Variants in PRNP observed in about 807,000 individuals in gnomAD.
PRNP encodes the protein prion protein (Kanno blood group).
A neutral mutation model predicts 21.3 loss-of-function variants in PRNP; 15 were observed. The ratio of observed to expected loss-of-function variants is 0.71; its 90% CI spans 0.47 to 1.09. The LOEUF is 1.09. PRNP is among the 50% of genes least tolerant of loss of function. PRNP has a pLI of 0.00. For missense variants in PRNP, 285 were observed against 340.9 expected (o/e 0.84, Z 1.29); for synonymous variants, 121 against 123.1 (o/e 0.98, Z 0.11).
Position 4,697,973 on chromosome 20 carries a change from C to T in PRNP, c.-10-1238C>T, listed in dbSNP as rs997589748. Among the ~76,000 whole-genome samples the T allele has an allele frequency of 6.6e-6, 1 of 152,144 alleles. No individual in the cohort carries two copies. The highest frequency in any genetic ancestry group is 2.4e-5 in the African/African-American group (1 of 41,420). ...TAGAGCATTGGCTGGATTTGTCACC[C>T]ATTGCAGCGAATGGAGAAGGTGCTG... On this transcript the variant is annotated intron_variant, in intron 1 of 1. Transcript: ENST00000379440. This position sits in a 1 kb window ranked among gnomAD's most constrained non-coding sequence, Gnocchi z 4.6.
chr20:4,695,730 G>T (rs1048907231), intron 1 of PRNP, among the ~76,000 whole-genome samples: 1 of 152,142 alleles, frequency 6.6e-6, no homozygotes, highest in South Asian at 2.1e-4. Flanking sequence ...TGTTTAAAAA[G>T]TTCTTCCCCC....
rs1922554396 is a variant in PRNP, at chr20:4,700,765, A to C, written c.*783A>C. The C allele has an allele frequency of 5.9e-6, 1 of 168,446 alleles. No individual in the cohort carries two copies. Among genetic ancestry groups the C allele is most frequent in the African/African-American group, 2.4e-5 (1 of 41,472 alleles). The allele number at this position is 168,446 out of a possible 1,614,324, so 10.4% of individuals were successfully genotyped here. Reference sequence around the variant, plus strand: ...CCATTTTAGATGTTTAAAGGACCCTATATGTGGCATTCCTTTCTTTAAACT... The same window carrying C: ...CCATTTTAGATGTTTAAAGGACCCTCTATGTGGCATTCCTTTCTTTAAACT... On this transcript the variant is annotated 3_prime_UTR_variant, in exon 2 of 2. Coordinates refer to ENST00000379440, the MANE Select transcript of PRNP (RefSeq NM_000311.5). This position sits in a 1 kb window ranked among gnomAD's most constrained non-coding sequence, Gnocchi z 4.1.
Position 4,699,156 on chromosome 20 carries a change from T to G in PRNP, c.-10-55T>G. 6.3e-7 allele frequency: 1 copy of G among 1,593,944 alleles called. No individual in the cohort carries two copies. Among genetic ancestry groups the G allele is most frequent in the Non-Finnish European group, 8.6e-7 (1 of 1,162,600 alleles). On this transcript the variant is annotated intron_variant, in intron 1 of 1. Coordinates refer to ENST00000379440, the MANE Select transcript of PRNP (RefSeq NM_000311.5). This position sits in a 1 kb window ranked among gnomAD's most constrained non-coding sequence, Gnocchi z 5.8. ...GCACTCATTCATTATGCAGGAAACATTTAGTAATTTCAACATAAATATGGG... is the reference window on the plus strand; with the variant it reads ...GCACTCATTCATTATGCAGGAAACAGTTAGTAATTTCAACATAAATATGGG...
At position 4,699,909 on chromosome 20, in the gene PRNP, C is replaced by T. The variant is rs1434284044; in HGVS notation, c.689C>T (p.Ser230Leu). ...RESQAYYQRGSSMVLFSSPPV... is the reference protein window; with the variant it reads ...RESQAYYQRGLSMVLFSSPPV... ...TCTCAGGCCTATTACCAGAGAGGATCGAGCATGGTCCTCTTCTCCTCTCCA... is the reference window on the plus strand; with the variant it reads ...TCTCAGGCCTATTACCAGAGAGGATTGAGCATGGTCCTCTTCTCCTCTCCA... Residue 230 changes from serine to leucine, a missense_variant, in exon 2 of 2, where the codon TCG (serine) becomes TTG (leucine). Transcript: ENST00000379440. This position sits in a 1 kb window ranked among gnomAD's most constrained non-coding sequence, Gnocchi z 5.8. 6 of 1,613,814 alleles carry T rather than the reference C, an allele frequency of 3.7e-6. No homozygotes were observed. Among genetic ancestry groups the T allele is most frequent in the Admixed American group, 1.7e-5 (1 of 59,978 alleles).
rs759440720 is a variant in PRNP, at chr20:4,699,633, T to C, written c.413T>C (p.Ile138Thr). Residue 138 changes from isoleucine (I) to threonine (T), a missense_variant, in exon 2 of 2, where the codon ATC becomes ACC. Coordinates refer to ENST00000379440, the MANE Select transcript of PRNP (RefSeq NM_000311.5). The surrounding 1 kb of genome is among the most constrained non-coding windows in gnomAD (Gnocchi z 5.8). ...YMLGSAMSRP[I>T]IHFGSDYEDR... ...CTGGGAAGTGCCATGAGCAGGCCCA[T>C]CATACATTTCGGCAGTGACTATGAG... The C allele has an allele frequency of 6.2e-7, 1 of 1,613,972 alleles. No individual in the cohort carries two copies. The highest frequency in any genetic ancestry group is 1.1e-5 in the South Asian group (1 of 91,062).
chr20:4,696,727 A>G (rs1247366336), intron 1 of PRNP, among the ~76,000 whole-genome samples: 1 of 152,180 alleles, frequency 6.6e-6, no homozygotes, highest in Non-Finnish European at 1.5e-5. Context: ...ATTACCATAT[A>G]CTTAATAGGA....
chr20:4,692,883 A>G (rs1921920496), intron 1 of PRNP, among the ~76,000 whole-genome samples: 1 of 152,160 alleles, frequency 6.6e-6, no homozygotes, highest in Non-Finnish European at 1.5e-5. Flanking sequence ...GTGTACTAGC[A>G]TTGAATTTTG....
intron 1 of PRNP, among the ~76,000 whole-genome samples, chr20:4,689,937 A>C (rs1453566858): frequency 6.6e-6 from 1 of 152,194 alleles, no homozygotes; most frequent in African/African-American, 2.4e-5. Flanking sequence ...CTGAAGCCTG[A>C]TCACGGGTGC....
intron 1 of PRNP, among the ~76,000 whole-genome samples, chr20:4,694,052 A>G (rs1406503360): frequency 1.3e-5 from 2 of 150,694 alleles, no homozygotes; most frequent in Admixed American, 1.3e-4. Flanking sequence ...TCATGCCACT[A>G]CACTTTGGCC....
At chr20:4,692,136 G>T (rs1047827371) in intron 1 of PRNP, among the ~76,000 whole-genome samples, 3 of 152,162 alleles carry the variant, frequency 2.0e-5, no homozygotes, top group African/African-American at 7.2e-5. Flanking sequence ...TGGTGACTTG[G>T]TATCTTTCAA....
intron 1 of PRNP, among the ~76,000 whole-genome samples, chr20:4,694,508 A>G (rs1922043747): frequency 6.6e-6 from 1 of 152,216 alleles, no homozygotes; most frequent in South Asian, 2.1e-4. Context: ...GTAATTTATT[A>G]ACCTTTTAAA....
intron 1 of PRNP, among the ~76,000 whole-genome samples, chr20:4,687,228 G>A (rs1187690755): frequency 1.3e-5 from 2 of 152,092 alleles, no homozygotes; most frequent in African/African-American, 2.4e-5. Flanking sequence ...CGGCCCACGC[G>A]GACTGACGGG....
In PRNP at chr20:4,686,737, G is replaced by C. The variant is rs1453143603; in HGVS notation, c.-11+225G>C. 6.6e-6 allele frequency: 1 copy of C among 152,302 alleles called. No homozygotes were observed. Among genetic ancestry groups the C allele is most frequent in the Non-Finnish European group, 1.5e-5 (1 of 68,308 alleles). 9.4% of individuals were successfully genotyped at this position (152,302 alleles called of 1,614,324 possible). ...GAGGCGGCTTGGCTTCGCTTTTCAG[G>C]TTAGGAAAGCTCCCTTTACTGCGCG... On this transcript the variant is annotated intron_variant, in intron 1 of 1. Coordinates refer to ENST00000379440, the MANE Select transcript of PRNP (RefSeq NM_000311.5). This position sits in a 1 kb window ranked among gnomAD's most constrained non-coding sequence, Gnocchi z 6.7.
intron 1 of PRNP, among the ~76,000 whole-genome samples, chr20:4,690,083 CT>C (rs1921728462): frequency 6.6e-6 from 1 of 152,106 alleles, no homozygotes; most frequent in Admixed American, 6.5e-5. Flanking sequence ...GTTGGGGACC[CT>C]TTGCTCTGTT....
intron 1 of PRNP, among the ~76,000 whole-genome samples, chr20:4,696,837 A>G (rs1478751385): frequency 6.6e-6 from 1 of 152,078 alleles, no homozygotes; most frequent in Non-Finnish European, 1.5e-5. Flanking sequence ...CTCTCTCACC[A>G]CCCATCTCCA....
chr20:4,697,922 T>C lies in PRNP; in HGVS notation c.-10-1289T>C, dbSNP rs1922270714. On this transcript the variant is annotated intron_variant, in intron 1 of 1. Coordinates refer to ENST00000379440, the MANE Select transcript of PRNP (RefSeq NM_000311.5). This position sits in a 1 kb window ranked among gnomAD's most constrained non-coding sequence, Gnocchi z 4.6. ...GAGATTTGCTGATAGATCCAATGTA[T>C]GCTGGGAGAGAAAATTCAGTCACTC... Among the ~76,000 whole-genome samples, 1 of 152,214 alleles carries C rather than the reference T, an allele frequency of 6.6e-6. No individual in the cohort carries two copies. Among genetic ancestry groups the C allele is most frequent in the South Asian group, 2.1e-4 (1 of 4,832 alleles).
rs755959420 is a variant in PRNP, at chr20:4,699,431, G to A, written c.211G>A (p.Gly71Ser). ...TGGTGGCTGGGGGCAGCCTCATGGT[G>A]GTGGCTGGGGGCAGCCCCATGGTGG... The part of the protein sequence containing the change: ...HGGGWGQPHG[G>S]GWGQPHGGGW... Residue 71 changes from glycine to serine, a missense_variant, in exon 2 of 2, where the codon GGT becomes AGT. Gly to Ser is a moderately conservative substitution (Grantham distance 56). Coordinates refer to ENST00000379440, the MANE Select transcript of PRNP (RefSeq NM_000311.5). This position sits in a 1 kb window ranked among gnomAD's most constrained non-coding sequence, Gnocchi z 5.8. 3.1e-6 allele frequency: 5 copies of A among 1,611,684 alleles called. No homozygotes were observed. Among genetic ancestry groups the A allele is most frequent in the Non-Finnish European group, 4.2e-6 (5 of 1,178,936 alleles).
chr20:4,692,460 C>T (rs927979086), intron 1 of PRNP, among the ~76,000 whole-genome samples: 4 of 152,100 alleles, frequency 2.6e-5, no homozygotes, highest in African/African-American at 9.7e-5. Flanking sequence ...ATAGAACAAC[C>T]TAATAGCATA....
chr20:4,687,948 G>A (rs373532096), intron 1 of PRNP, among the ~76,000 whole-genome samples: 2 of 152,042 alleles, frequency 1.3e-5, no homozygotes, highest in African/African-American at 4.8e-5. Flanking sequence ...TAGAAGAAAG[G>A]AAAAAATCAC....
Sources: allele counts gnomAD v4.1 joint callset (sites outside exome capture counted in the v4.1 genomes callset), GRCh38; gene constraint gnomAD v4.1.1; non-coding constraint Gnocchi (gnomAD v3.1); transcripts MANE v1.5; gene names NCBI Gene and HGNC (gene_info 2026-07-23, HGNC 2026-07-21).